CFAP47: variants seen among roughly 807,000 people sequenced by gnomAD.
CFAP47 encodes the protein cilia and flagella associated protein 47.
A neutral mutation model predicts 148.1 loss-of-function variants in CFAP47; 29 were observed. The ratio of observed to expected loss-of-function variants is 0.20; its 90% confidence interval spans 0.15 to 0.27. The LOEUF is 0.27. CFAP47 is among the 10% of genes least tolerant of loss of function. CFAP47 has a pLI of 1.00. For missense variants in CFAP47, 1,872 were observed against 1,697.5 expected, an observed-to-expected ratio of 1.10 and a Z score of -1.81; for synonymous variants, 664 against 577.3, an observed-to-expected ratio of 1.15 and a Z score of -2.15.
chrX:36,329,071 A>G (rs189419816), intron 57 of CFAP47, among the ~76,000 whole-genome samples: 1 of 111,465 alleles, frequency 9.0e-6, no homozygotes, highest in African/African-American at 3.3e-5. Flanking sequence ...AAGCTCAAAG[A>G]CAAAGAGAAT....
intron 54 of CFAP47, among the ~76,000 whole-genome samples, chrX:36,305,460 AT>A (rs1302306649): frequency 8.9e-6 from 1 of 111,738 alleles, no homozygotes; most frequent in Non-Finnish European, 1.9e-5. Context: ...AATCAAGAAT[AT>A]AAACTCTGTT....
chrX:36,059,000 C>T (rs1183757899), intron 26 of CFAP47, among the ~76,000 whole-genome samples: 1 of 112,106 alleles, frequency 8.9e-6, no homozygotes, highest in Non-Finnish European at 1.9e-5. Context: ...GATAGGAATT[C>T]AGACCATTGG....
intron 39 of CFAP47, among the ~76,000 whole-genome samples, chrX:36,175,019 T>C (rs1240609905): frequency 1.8e-5 from 2 of 112,168 alleles, no homozygotes; most frequent in East Asian, 5.5e-4. Flanking sequence ...CTTTTTTCTC[T>C]AAACTTCCCT....
At chrX:36,296,672 C>T (rs782052423) in intron 51 of CFAP47, among the ~76,000 whole-genome samples, 60 of 112,175 alleles carry the variant, frequency 5.3e-4, no homozygotes, top group African/African-American at 1.7e-3. Flanking sequence ...TTCTGTTGAA[C>T]GGACACTGAT....
At chrX:36,145,059 G>A (rs769715829) in intron 35 of CFAP47, 160 bp from the exon 36 acceptor site, 19 of 375,306 alleles carry the variant, frequency 5.1e-5, no homozygotes, top group Admixed American at 2.0e-4. Flanking sequence ...ATAAATTCCC[G>A]TTTATATATA....
chrX:36,219,042 A>G (rs1409118169), intron 45 of CFAP47, among the ~76,000 whole-genome samples: 1 of 111,426 alleles, frequency 9.0e-6, no homozygotes, highest in Non-Finnish European at 1.9e-5. Context: ...TAGATGCTAA[A>G]TGTCTTTTTT....
At chrX:36,127,256 C>T (rs1404155000) in intron 33 of CFAP47, among the ~76,000 whole-genome samples, 4 of 111,408 alleles carry the variant, frequency 3.6e-5, no homozygotes, top group Non-Finnish European at 5.7e-5. Context: ...AATCCAACTT[C>T]AGTTAATTTT....
intron 48 of CFAP47, among the ~76,000 whole-genome samples, chrX:36,245,485 A>G (rs938072032): frequency 8.9e-6 from 1 of 112,391 alleles, no homozygotes; most frequent in Non-Finnish European, 1.9e-5. Context: ...AAACTTTAAT[A>G]GAGTTTTAGG....
At chrX:36,297,662 G>A (rs1033324026) in intron 51 of CFAP47, among the ~76,000 whole-genome samples, 3 of 111,533 alleles carry the variant, frequency 2.7e-5, no homozygotes, top group Non-Finnish European at 3.8e-5. Context: ...GCCTTCCAGG[G>A]CTAAGACAAT....
At chrX:36,151,638 A>G (rs1444276536) in intron 37 of CFAP47, among the ~76,000 whole-genome samples, 1 of 108,422 alleles carries the variant, frequency 9.2e-6, no homozygotes, top group Non-Finnish European at 1.9e-5. Flanking sequence ...CTTTTATTAA[A>G]CTGACACTTG....
rs149658287 is a variant in CFAP47 at position 35,944,726 on chromosome X, G to A, written c.517+3328G>A. ...AAAATTTTTTCAAGGAGTATAGACA[G>A]TGTAACCATGTATACTGCACCACTT... On this transcript the variant is annotated intron_variant, in intron 3 of 63. Transcript: ENST00000378653. 1.7e-4 allele frequency among the ~76,000 whole-genome samples: 19 copies of A among 111,878 alleles called. No individual in the cohort carries two copies. The East Asian group carries it at 4.8e-3, about 28-fold the overall frequency.
intron 57 of CFAP47, among the ~76,000 whole-genome samples, chrX:36,328,670 C>T (rs1382081909): frequency 9.3e-6 from 1 of 107,016 alleles, no homozygotes; most frequent in Non-Finnish European, 1.9e-5. Context: ...ATTAGCCGGG[C>T]GCGGTGGCGG....
chrX:36,120,194 G>C (rs1377026705), intron 33 of CFAP47, among the ~76,000 whole-genome samples: 1 of 106,847 alleles, frequency 9.4e-6, no homozygotes, highest in African/African-American at 3.4e-5. Context: ...ATTTTTAGTA[G>C]AGACGGGGTT....
intron 26 of CFAP47, among the ~76,000 whole-genome samples, chrX:36,058,237 C>T (rs775973450): frequency 8.9e-6 from 1 of 111,958 alleles, no homozygotes; most frequent in East Asian, 2.8e-4. Flanking sequence ...CATTTTATTA[C>T]CTGTTTTTTG....
chrX:36,136,302 A>G (rs1257615014), intron 33 of CFAP47, among the ~76,000 whole-genome samples: 1 of 108,751 alleles, frequency 9.2e-6, no homozygotes, highest in Non-Finnish European at 1.9e-5. Context: ...GCAACAAGAT[A>G]TTAAGCTCCT....
At chrX:36,012,601 G>A (rs748235688) in intron 21 of CFAP47, among the ~76,000 whole-genome samples, 4 of 111,390 alleles carry the variant, frequency 3.6e-5, no homozygotes, top group Non-Finnish European at 7.5e-5. Context: ...ACTCATAAGT[G>A]GGAGTTGAAC....
intron 2 of CFAP47, among the ~76,000 whole-genome samples, chrX:35,937,491 A>C (rs1447737605): frequency 3.7e-5 from 4 of 109,550 alleles, no homozygotes; most frequent in Non-Finnish European, 7.6e-5. Flanking sequence ...ACCTTTCATC[A>C]TTCTCTTTTG....
chrX:36,364,957 T>C (rs782704681), intron 61 of CFAP47, among the ~76,000 whole-genome samples: 181 of 93,461 alleles, frequency 1.9e-3, no homozygotes, highest in Middle Eastern at 0.011. Context: ...CACACACACA[T>C]ATTCATTTAC....
chrX:36,134,926 T>A (rs1366581871), intron 33 of CFAP47, among the ~76,000 whole-genome samples: 2 of 111,063 alleles, frequency 1.8e-5, no homozygotes, highest in African/African-American at 6.5e-5. Flanking sequence ...TCTGAAAAGA[T>A]ACATCACCAA....
Sources: gnomAD v4.1 joint callset for allele counts (sites outside exome capture counted in the v4.1 genomes callset) on GRCh38, gnomAD v4.1.1 for gene constraint, MANE v1.5 for transcripts, NCBI Gene and HGNC (gene_info 2026-07-23, HGNC 2026-07-21) for gene names.